Variants in RAD50 observed in about 807,000 individuals in gnomAD.
RAD50 encodes the protein RAD50 double strand break repair protein, also known as DNA repair protein RAD50.
A neutral mutation model predicts 168.8 loss-of-function variants in RAD50; 132 were observed. The ratio of observed to expected loss-of-function variants is 0.78; its 90% CI spans 0.68 to 0.90. The LOEUF (loss-of-function observed/expected upper bound fraction) is 0.90, where lower values mean the gene tolerates loss of function less well. Ranked by LOEUF, RAD50 falls within the 40% of genes least tolerant of loss-of-function variation. The pLI, the probability that RAD50 is intolerant of heterozygous loss-of-function variation, is 0.00. For synonymous variants in RAD50, 525 were observed against 497.4 expected, an observed-to-expected ratio of 1.06 and a Z score of -0.74; for missense variants, 1,347 against 1,534.4, an observed-to-expected ratio of 0.88 and a Z score of 2.04.
intron 21 of RAD50, among the ~76,000 whole-genome samples, chr5:132,626,596 A>G (rs1213240000): frequency 6.6e-6 from 1 of 152,202 alleles, no homozygotes; most frequent in Non-Finnish European, 1.5e-5. Flanking sequence ...CTATTCTTTA[A>G]TAGCACTAAA....
At chr5:132,570,159 C>T (rs1476560391) in intron 2 of RAD50, among the ~76,000 whole-genome samples, 3 of 152,076 alleles carry the variant, frequency 2.0e-5, no homozygotes, top group East Asian at 1.9e-4. Flanking sequence ...GTCCAAAATC[C>T]GTTAGGTGTG....
chr5:132,573,349 A>G (rs772608950), intron 2 of RAD50, among the ~76,000 whole-genome samples: 1 of 152,196 alleles, frequency 6.6e-6, no homozygotes, highest in South Asian at 2.1e-4. Context: ...CATGTCTCAC[A>G]TGGTGGCAAA....
intron 23 of RAD50, among the ~76,000 whole-genome samples, chr5:132,639,429 A>C (rs1751669700): frequency 1.3e-5 from 2 of 152,288 alleles, no homozygotes. Context: ...TCCCAATTTA[A>C]AGCATCTGCA....
At chr5:132,577,368 G>T (rs1750418083) in intron 3 of RAD50, among the ~76,000 whole-genome samples, 1 of 152,122 alleles carries the variant, frequency 6.6e-6, no homozygotes, top group Non-Finnish European at 1.5e-5. Context: ...AAGGTCAAAT[G>T]ATTAACACCC....
chr5:132,635,093 A>G (rs1329627521), intron 21 of RAD50, among the ~76,000 whole-genome samples: 1 of 152,216 alleles, frequency 6.6e-6, no homozygotes, highest in East Asian at 1.9e-4. Flanking sequence ...TGGTGGCTTT[A>G]AAAGATGGAA....
intron 21 of RAD50, among the ~76,000 whole-genome samples, chr5:132,634,261 C>T (rs1166589355): frequency 6.6e-6 from 1 of 152,120 alleles, no homozygotes; most frequent in Non-Finnish European, 1.5e-5. Context: ...AGTTTTACAG[C>T]TTTTTCCTCT....
rs148574943 is a variant in RAD50 at position 132,608,276 on chromosome 5, GCA to G, written c.2719-336_2719-335del. Reference sequence around the variant, plus strand: ...AAGCCACACGCTAATATAATTGGGAGCACATGGCCTAGATTAAGAATCAAATT... The same window carrying G: ...AAGCCACACGCTAATATAATTGGGAGCATGGCCTAGATTAAGAATCAAATT... On this transcript the variant is annotated intron_variant, in intron 16 of 24. Coordinates refer to ENST00000378823, the MANE Select transcript of RAD50 (RefSeq NM_005732.4). Among the ~76,000 whole-genome samples the G allele has an allele frequency of 7.0e-3, 1,065 of 152,336 alleles. 16 individuals carry two copies. The highest frequency in any genetic ancestry group is 0.023 in the African/African-American group (974 of 41,566).
Position 132,643,734 on chromosome 5 carries a change from G to GGGCC in RAD50, c.*1370_*1371insGGCC. On this transcript the variant is annotated 3_prime_UTR_variant, in exon 25 of 25. Transcript: ENST00000378823. ...GGGGGTGGTGGTGGGGTGGGGGGGG[G>GGGCC]TCCTAAATGTAATCACGAGTAAGAT... 1 of 177,116 alleles carries GGGCC rather than the reference G, an allele frequency of 5.6e-6. No individual in the cohort carries two copies. The highest frequency in any genetic ancestry group is 1.2e-5 in the Non-Finnish European group (1 of 84,832). The allele number at this position is 177,116 out of a possible 1,614,324, so 11.0% of individuals were successfully genotyped here.
intron 20 of RAD50, among the ~76,000 whole-genome samples, chr5:132,616,489 A>G (rs1391217251): frequency 6.6e-6 from 1 of 152,194 alleles, no homozygotes; most frequent in Admixed American, 6.5e-5. Context: ...AATATTGTCA[A>G]TGGAGTTGTT....
chr5:132,603,189 C>G (rs1750917744), intron 13 of RAD50, 111 bp from the exon 14 acceptor site: 5 of 965,466 alleles, frequency 5.2e-6, no homozygotes, highest in Non-Finnish European at 7.8e-6. Flanking sequence ...GATATGATAC[C>G]CTGAAAAGAA....
intron 21 of RAD50, among the ~76,000 whole-genome samples, chr5:132,636,063 A>G (rs1396314652): frequency 2.0e-5 from 3 of 152,202 alleles, no homozygotes; most frequent in Non-Finnish European, 2.9e-5. Flanking sequence ...AGGCAGTAGC[A>G]TTATATTCAG....
Position 132,587,993 on chromosome 5 carries a change from GA to G in RAD50, c.958del (p.Arg320GlyfsTer4), listed in dbSNP as rs764876102. On this transcript the variant is annotated frameshift_variant, in exon 7 of 25. Transcript: ENST00000378823. LOFTEE classifies it high-confidence loss of function. Reference protein sequence around the residue: ...HNHQRTVREKERKLVDCHREL... With the variant: ...HNHQRTVREKXRKLVDCHREL... ...TCACCAGAGAACAGTAAGGGAGAAA[GA>G]AAGGAAATTGGTAGACTGTCATCGT... 1 of 1,612,104 alleles carries G rather than the reference GA, an allele frequency of 6.2e-7. No homozygotes were observed. The highest frequency in any genetic ancestry group is 8.5e-7 in the Non-Finnish European group (1 of 1,178,336).
At chr5:132,598,299 C>G (rs543835982) in intron 13 of RAD50, among the ~76,000 whole-genome samples, 1 of 152,298 alleles carries the variant, frequency 6.6e-6, no homozygotes, top group African/African-American at 2.4e-5. Flanking sequence ...AATCGCCTGC[C>G]TCAGCCTCCC....
chr5:132,630,844 C>T (rs190528967), intron 21 of RAD50: 26 of 152,268 alleles, frequency 1.7e-4, no homozygotes, highest in Admixed American at 1.4e-3. Flanking sequence ...CTTTTCTGCT[C>T]ATCACTAGAG....
At chr5:132,567,339 T>G (rs1016401891) in intron 2 of RAD50, among the ~76,000 whole-genome samples, 4 of 152,356 alleles carry the variant, frequency 2.6e-5, no homozygotes, top group African/African-American at 9.6e-5. Context: ...AGGGCTATAT[T>G]CTTTGAGAAA....
intron 2 of RAD50, among the ~76,000 whole-genome samples, chr5:132,573,688 C>T (rs771015503): frequency 1.3e-4 from 20 of 152,330 alleles, no homozygotes; most frequent in South Asian, 6.2e-4. Context: ...TCCCTTCTGC[C>T]TATGCGCCTG....
chr5:132,600,907 T>C (rs1580999689), intron 13 of RAD50, among the ~76,000 whole-genome samples: 2 of 152,322 alleles, frequency 1.3e-5, no homozygotes, highest in South Asian at 4.1e-4. Context: ...AACATCACAT[T>C]GTACCCCATA....
Position 132,591,258 on chromosome 5 carries a change from A to T in RAD50, c.1487A>T (p.Asn496Ile), listed in dbSNP as rs876658141. ...TTAAGCAAGGCTGAGAAAAACAGCA[A>T]TGTAGAAACCTTAAAAATGGAAGTA... is the stretch of plus-strand genomic sequence containing the variant. ...RELSKAEKNS[N>I]VETLKMEVIS... The change falls in exon 10 of 25, where the codon AAT becomes ATT. Residue 496 changes from asparagine to isoleucine, a missense_variant. This residue lies in a region of RAD50 where 703 missense variants were observed against 767.7 expected (regional missense o/e 0.92). Transcript: ENST00000378823. 1 of 1,612,902 alleles carries T rather than the reference A, an allele frequency of 6.2e-7. No homozygotes were observed. The highest frequency in any genetic ancestry group is 8.5e-7 in the Non-Finnish European group (1 of 1,178,986).
In RAD50 at chr5:132,638,101, C is replaced by A; in HGVS notation, c.3496C>A (p.Arg1166=). The part of the protein sequence containing the change: ...RGQDIEYIEI[R]SDADENVSAS... ...GTCAGATATTGAATACATAGAAATACGGTCTGATGCCGATGAAAATGTATC... is the reference window on the plus strand; with the variant it reads ...GTCAGATATTGAATACATAGAAATAAGGTCTGATGCCGATGAAAATGTATC... Residue 1166 remains arginine, a synonymous_variant, in exon 23 of 25, where the codon CGG becomes AGG. Transcript: ENST00000378823. 1 of 1,613,964 alleles carries A rather than the reference C, an allele frequency of 6.2e-7. No homozygotes were observed. The highest frequency in any genetic ancestry group is 8.5e-7 in the Non-Finnish European group (1 of 1,179,856).
Sources: allele counts gnomAD v4.1 joint callset (sites outside exome capture counted in the v4.1 genomes callset), GRCh38; gene constraint gnomAD v4.1.1; regional missense constraint gnomAD v4.1.1; transcripts MANE v1.5; gene names NCBI Gene and HGNC (gene_info 2026-07-23, HGNC 2026-07-21).